STAM: variants seen among roughly 807,000 people sequenced by gnomAD.
STAM encodes the protein signal transducing adaptor molecule.
Under a neutral mutation model 63.4 loss-of-function variants are expected in STAM, and 16 were observed. The ratio of observed to expected loss-of-function variants is 0.25; its 90% CI spans 0.17 to 0.38. STAM has a LOEUF of 0.38. STAM is among the 10% of genes least tolerant of loss of function. The pLI, the probability that STAM is intolerant of heterozygous loss-of-function variation, is 1.00. For synonymous variants in STAM, 238 were observed against 223.9 expected, an observed-to-expected ratio of 1.06 and a Z score of -0.56; for missense variants, 636 against 657.1, an observed-to-expected ratio of 0.97 and a Z score of 0.35.
intron 2 of STAM, among the ~76,000 whole-genome samples, chr10:17,671,687 G>C (rs1834646230): frequency 6.6e-6 from 1 of 152,078 alleles, no homozygotes; most frequent in Non-Finnish European, 1.5e-5. Flanking sequence ...TCTGACATAG[G>C]TTATTAGAGG....
intron 4 of STAM, among the ~76,000 whole-genome samples, chr10:17,686,301 A>G (rs972909593): frequency 7.2e-5 from 11 of 151,844 alleles, no homozygotes; most frequent in African/African-American, 2.4e-4. Flanking sequence ...ACGACTTCCT[A>G]TAGGCAAGAG....
Position 17,694,923 on chromosome 10 carries a change from G to T in STAM, c.536-126G>T. On this transcript the variant is annotated intron_variant, in intron 6 of 13. Transcript: ENST00000377524. ...AAATGATTTTTGTTCAATGTATCAG[G>T]ATATGTTCTAGTTTCTAACTATACT... 5 of 783,912 alleles carry T rather than the reference G, an allele frequency of 6.4e-6. No homozygotes were observed. In the South Asian group the frequency reaches 1.2e-4, roughly 19 times the overall value. 48.6% of individuals were successfully genotyped at this position (783,912 alleles called of 1,614,324 possible).
intron 4 of STAM, among the ~76,000 whole-genome samples, chr10:17,686,066 G>A (rs868932742): frequency 3.9e-5 from 6 of 152,252 alleles, no homozygotes; most frequent in Middle Eastern, 3.4e-3. Context: ...GTAAAATTCT[G>A]TACTTTTCGA....
At chr10:17,664,527 T>C (rs1834300655) in intron 2 of STAM, among the ~76,000 whole-genome samples, 1 of 152,100 alleles carries the variant, frequency 6.6e-6, no homozygotes, top group Non-Finnish European at 1.5e-5. Flanking sequence ...TGGTTTATGT[T>C]TTGGAGGAAA....
At chr10:17,709,640 TA>T (rs769245052) in intron 13 of STAM, among the ~76,000 whole-genome samples, 11 of 152,132 alleles carry the variant, frequency 7.2e-5, no homozygotes, top group Non-Finnish European at 1.3e-4. Flanking sequence ...TTTAAGAGTT[TA>T]CCAACGTGTA....
At chr10:17,670,840 A>C (rs191187319) in intron 2 of STAM, among the ~76,000 whole-genome samples, 1 of 146,174 alleles carries the variant, frequency 6.8e-6, no homozygotes, top group Admixed American at 7.0e-5. Context: ...TTTGTACTCT[A>C]TATTTTGCTC....
chr10:17,689,057 T>C (rs781863253), intron 5 of STAM, among the ~76,000 whole-genome samples: 37 of 152,222 alleles, frequency 2.4e-4, no homozygotes, highest in Non-Finnish European at 4.7e-4. Context: ...TATGGCTAAA[T>C]AGCTTAACTT....
chr10:17,679,754 T>G (rs1394400162), intron 2 of STAM, among the ~76,000 whole-genome samples: 1 of 138,602 alleles, frequency 7.2e-6, no homozygotes, highest in Non-Finnish European at 1.7e-5. Flanking sequence ...TAAGTCAGTT[T>G]CTTTTCTTTT....
At chr10:17,690,355 A>G (rs1554826612) in intron 5 of STAM, among the ~76,000 whole-genome samples, 2 of 152,256 alleles carry the variant, frequency 1.3e-5, no homozygotes, top group African/African-American at 4.8e-5. Flanking sequence ...CAGGACATAG[A>G]AGAGCAATAG....
chr10:17,710,618 G>A (rs1836513222), intron 13 of STAM, among the ~76,000 whole-genome samples: 1 of 152,202 alleles, frequency 6.6e-6, no homozygotes, highest in South Asian at 2.1e-4. Context: ...TCAGAGGACT[G>A]TGTGTGTACT....
At chr10:17,708,636 C>T (rs2688791) in intron 12 of STAM, 140 bp from the exon 13 acceptor site, 172,325 of 841,266 alleles carry the variant, frequency 0.2, 19,459 homozygotes, top group African/African-American at 0.35. Flanking sequence ...TCAAAATGCC[C>T]GTTGACAGAA....
In STAM at chr10:17,696,780, C is replaced by T; in HGVS notation, c.734C>T (p.Pro245Leu). ...EIITVLDDSD[P>L]NWWKGETHQG... ...TTGTTTTTTGTTTGTCATAGTGATC[C>T]TAACTGGTGGAAAGGTGAAACCCAT... Residue 245 changes from proline (P) to leucine (L), a missense_variant, in exon 8 of 14, where the codon CCT (proline) becomes CTT (leucine). Physicochemically the swap from Pro to Leu is moderately conservative, Grantham distance 98. Transcript: ENST00000377524. 1.9e-6 allele frequency: 3 copies of T among 1,611,640 alleles called. No homozygotes were observed. Among genetic ancestry groups the T allele is most frequent in the Non-Finnish European group, 2.5e-6 (3 of 1,177,840 alleles).
intron 2 of STAM, 55 bp from the exon 3 acceptor site, chr10:17,684,620 G>A (rs1835219669): frequency 4.9e-6 from 7 of 1,429,182 alleles, no homozygotes; most frequent in East Asian, 4.6e-5. Context: ...CAGTTAAGGG[G>A]CAGGGGGAAG....
intron 5 of STAM, among the ~76,000 whole-genome samples, chr10:17,690,179 T>C (rs1835470408): frequency 1.3e-5 from 2 of 152,242 alleles, no homozygotes. Context: ...ACAGGCATGC[T>C]GATTCTCAGT....
chr10:17,657,541 T>C (rs1833989660), intron 1 of STAM, among the ~76,000 whole-genome samples: 1 of 152,226 alleles, frequency 6.6e-6, no homozygotes. Flanking sequence ...AGAATTAGTA[T>C]AATTTCTTCC....
At chr10:17,666,387 ATTTTTTT>A (rs10673746) in intron 2 of STAM, among the ~76,000 whole-genome samples, 11 of 85,922 alleles carry the variant, frequency 1.3e-4, no homozygotes, top group Admixed American at 2.7e-4. Context: ...TTGGCTTTGT[ATTTTTTT>A]TTTTTTTTTT....
chr10:17,656,292 T>TCAAA (rs1554822139), intron 1 of STAM, among the ~76,000 whole-genome samples: 2 of 134,426 alleles, frequency 1.5e-5, no homozygotes, highest in Non-Finnish European at 1.6e-5. Context: ...AGACTCCGTC[T>TCAAA]TAAAAAAAAA....
intron 2 of STAM, among the ~76,000 whole-genome samples, chr10:17,668,867 G>A (rs1409364446): frequency 1.3e-5 from 2 of 152,156 alleles, no homozygotes; most frequent in African/African-American, 2.4e-5. Context: ...ACCTACTGAA[G>A]GACATCTTGT....
chr10:17,660,014 T>G (rs1834098010), intron 1 of STAM, among the ~76,000 whole-genome samples: 2 of 151,980 alleles, frequency 1.3e-5, no homozygotes, highest in Admixed American at 1.3e-4. Flanking sequence ...AGTCAAAACT[T>G]GGTTTTCTTT....
Sources: allele counts gnomAD v4.1 joint callset (sites outside exome capture counted in the v4.1 genomes callset), GRCh38; gene constraint gnomAD v4.1.1; transcripts MANE v1.5; gene names NCBI Gene and HGNC (gene_info 2026-07-23, HGNC 2026-07-21).